FSTL5: variants seen among roughly 807,000 people sequenced by gnomAD.
FSTL5 encodes follistatin like 5, also known as follistatin-related protein 5.
Under a neutral mutation model 89.1 loss-of-function variants are expected in FSTL5, and 62 were observed. That is an observed-to-expected ratio of 0.70 (90% confidence interval 0.57 to 0.86). The LOEUF (loss-of-function observed/expected upper bound fraction) is 0.86, where lower values mean the gene tolerates loss of function less well. Ranked by LOEUF, FSTL5 falls within the 40% of genes least tolerant of loss-of-function variation. The probability of loss-of-function intolerance (pLI) is 0.00; values close to 1 mark genes in which losing one functional copy is unlikely to be tolerated. For synonymous variants in FSTL5, 383 were observed against 346.2 expected (o/e 1.11, Z -1.18); for missense variants, 1,057 against 1,001.6 (o/e 1.06, Z -0.75).
intron 2 of FSTL5, among the ~76,000 whole-genome samples, chr4:162,067,399 G>C (rs1019788360): frequency 6.6e-6 from 1 of 152,014 alleles, no homozygotes; most frequent in Non-Finnish European, 1.5e-5. Context: ...GGGCATTTGG[G>C]TTGATTCCAT....
intron 4 of FSTL5, among the ~76,000 whole-genome samples, chr4:161,911,465 A>T (rs960250553): frequency 3.3e-5 from 5 of 152,138 alleles, no homozygotes; most frequent in African/African-American, 1.2e-4. Context: ...AGCAAAAAGC[A>T]TTGAAAAAAA....
chr4:161,890,686 T>TG (rs1732959456), intron 4 of FSTL5, among the ~76,000 whole-genome samples: 1 of 115,058 alleles, frequency 8.7e-6, no homozygotes, highest in African/African-American at 3.3e-5. Context: ...AGACTCTGTC[T>TG]AAAAAAAAAA....
chr4:161,820,088 A>G (rs569291428), intron 4 of FSTL5, among the ~76,000 whole-genome samples: 5 of 152,302 alleles, frequency 3.3e-5, no homozygotes, highest in Non-Finnish European at 7.4e-5. Context: ...TGTTTGCAAT[A>G]TAACAGAAGT....
chr4:161,756,962 T>A (rs1740591398), intron 6 of FSTL5, among the ~76,000 whole-genome samples: 1 of 152,168 alleles, frequency 6.6e-6, no homozygotes, highest in Non-Finnish European at 1.5e-5. Context: ...CAAGTCTATG[T>A]ATCTTTCTAT....
intron 2 of FSTL5, among the ~76,000 whole-genome samples, chr4:162,079,605 C>T (rs1730007684): frequency 1.3e-5 from 2 of 151,256 alleles, no homozygotes; most frequent in Admixed American, 6.6e-5. Context: ...GGTAAAAATC[C>T]CTTGAATTTG....
chr4:161,565,782 CAT>C (rs1553998255), intron 8 of FSTL5, among the ~76,000 whole-genome samples: 14 of 145,142 alleles, frequency 9.6e-5, no homozygotes, highest in African/African-American at 3.4e-4. Flanking sequence ...CACACACACA[CAT>C]ATATATGATA....
At chr4:162,038,721 G>A (rs938519086) in intron 2 of FSTL5, among the ~76,000 whole-genome samples, 2 of 151,744 alleles carry the variant, frequency 1.3e-5, no homozygotes, top group South Asian at 2.1e-4. Context: ...ACGTGAAAAC[G>A]GATTTCTCCT....
chr4:162,082,975 A>C (rs559674983), intron 2 of FSTL5, among the ~76,000 whole-genome samples: 1 of 151,804 alleles, frequency 6.6e-6, no homozygotes, highest in East Asian at 1.9e-4. Flanking sequence ...TTTGAATGGT[A>C]AGTTTGAAGC....
At position 161,533,503 on chromosome 4, in the gene FSTL5, A is replaced by G. The variant is rs28877879; in HGVS notation, c.1312+4663T>C. ...ACGTATAAATTCTTGGAAACACATA[A>G]CCCTTCAAGATTGAACAAGAAGGAA... On this transcript the variant is annotated intron_variant, in intron 10 of 15. Coordinates refer to ENST00000306100, the MANE Select transcript of FSTL5 (RefSeq NM_020116.5). 2.8e-3 allele frequency among the ~76,000 whole-genome samples: 433 copies of G among 152,168 alleles called. 2 individuals carry two copies. The highest frequency in any genetic ancestry group is 9.9e-3 in the African/African-American group (413 of 41,526).
At chr4:161,509,760 A>T (rs563481286) in intron 11 of FSTL5, among the ~76,000 whole-genome samples, 1 of 152,284 alleles carries the variant, frequency 6.6e-6, no homozygotes, top group South Asian at 2.1e-4. Flanking sequence ...TTGATGGACT[A>T]TTTAAGTACT....
chr4:162,089,696 C>T (rs78105634), intron 2 of FSTL5, among the ~76,000 whole-genome samples: 2,256 of 148,916 alleles, frequency 0.015, 57 homozygotes, highest in African/African-American at 0.053. Flanking sequence ...TTTGTAGTAT[C>T]GTTGCTATAC....
At chr4:161,729,744 A>G (rs536429422) in intron 6 of FSTL5, among the ~76,000 whole-genome samples, 2 of 152,202 alleles carry the variant, frequency 1.3e-5, no homozygotes, top group African/African-American at 4.8e-5. Context: ...TGACTTCCAC[A>G]GGTGTTTACG....
intron 4 of FSTL5, among the ~76,000 whole-genome samples, chr4:161,796,490 A>G (rs1293715177): frequency 6.6e-6 from 1 of 151,814 alleles, no homozygotes; most frequent in Non-Finnish European, 1.5e-5. Context: ...TCCTACATAA[A>G]CAGATTTTTA....
At chr4:162,061,324 G>T (rs571949965) in intron 2 of FSTL5, among the ~76,000 whole-genome samples, 1 of 152,246 alleles carries the variant, frequency 6.6e-6, no homozygotes, top group Admixed American at 6.5e-5. Context: ...TGAATCTAAA[G>T]AAGCTGCTTT....
At chr4:161,938,471 G>T (rs1468361840) in intron 3 of FSTL5, among the ~76,000 whole-genome samples, 1 of 151,966 alleles carries the variant, frequency 6.6e-6, no homozygotes, top group Non-Finnish European at 1.5e-5. Flanking sequence ...CAGCAAAAAT[G>T]ATTCTTTTAA....
At chr4:161,395,155 C>T (rs1051088272) in intron 15 of FSTL5, among the ~76,000 whole-genome samples, 3 of 151,708 alleles carry the variant, frequency 2.0e-5, no homozygotes, top group Admixed American at 6.6e-5. Context: ...ACAATAGTAA[C>T]CAATAGAACA....
intron 4 of FSTL5, among the ~76,000 whole-genome samples, chr4:161,821,501 T>A (rs921557435): frequency 5.2e-4 from 79 of 152,172 alleles, no homozygotes; most frequent in Non-Finnish European, 1.3e-4. Flanking sequence ...TTTAGTGAGA[T>A]TTTGGTGCAC....
chr4:161,725,615 T>C (rs1982120), intron 6 of FSTL5, among the ~76,000 whole-genome samples: 142,723 of 152,124 alleles, frequency 0.94, 67,125 homozygotes, highest in East Asian at 0.98. Context: ...TTAGTATTGT[T>C]ATTCAGTGCA....
At chr4:162,004,770 A>C (rs1736567551) in intron 3 of FSTL5, among the ~76,000 whole-genome samples, 1 of 152,166 alleles carries the variant, frequency 6.6e-6, no homozygotes, top group Admixed American at 6.5e-5. Context: ...TTGTTACACT[A>C]TAAAATAACC....
Sources: gnomAD v4.1 joint callset for allele counts (sites outside exome capture counted in the v4.1 genomes callset) on GRCh38, gnomAD v4.1.1 for gene constraint, MANE v1.5 for transcripts, NCBI Gene and HGNC (gene_info 2026-07-23, HGNC 2026-07-21) for gene names.